The following TBC1D13 variants were observed in gnomAD, a reference collection of about 807,000 sequenced individuals.
The protein encoded by TBC1D13 is epididymis secretory sperm binding protein.
A neutral mutation model predicts 53.6 loss-of-function variants in TBC1D13; 40 were observed. That is an observed-to-expected ratio of 0.75 (90% CI 0.58 to 0.97). TBC1D13 has a LOEUF of 0.97. Ranked by LOEUF, TBC1D13 falls within the 50% of genes least tolerant of loss-of-function variation. The pLI is 0.00. For missense variants in TBC1D13, 377 were observed against 499.4 expected, an observed-to-expected ratio of 0.75 and a Z score of 2.34; for synonymous variants, 182 against 197.7, an observed-to-expected ratio of 0.92 and a Z score of 0.67.
Position 128,798,089 on chromosome 9 carries a change from CT to C in TBC1D13, c.543+876del, listed in dbSNP as rs1475744775. On this transcript the variant is annotated intron_variant, in intron 7 of 11. Transcript: ENST00000372648. Reference sequence around the variant, plus strand: ...CCAACATGGTGAAACCTTGTCTCTACTAAAAATACAAAAATTAGCTGGGCAT... The same window carrying C: ...CCAACATGGTGAAACCTTGTCTCTACAAAAATACAAAAATTAGCTGGGCAT... 1.2e-4 allele frequency among the ~76,000 whole-genome samples: 18 copies of C among 152,000 alleles called. No homozygotes were observed. In the East Asian group the frequency reaches 3.3e-3, roughly 28 times the overall value.
chr9:128,809,626 G>A lies in TBC1D13; in HGVS notation c.*1747G>A, dbSNP rs1430666628. 1 of 152,264 alleles carries A rather than the reference G, an allele frequency of 6.6e-6. No individual in the cohort carries two copies. The highest frequency in any genetic ancestry group is 1.5e-5 in the Non-Finnish European group (1 of 68,070). 9.4% of individuals were successfully genotyped at this position (152,264 alleles called of 1,614,324 possible). Reference sequence around the variant, plus strand: ...CTGGCTATGTATTGCACATTGGCAAGTGCTCTGGGGATGAGGCATGGGTAT... The same window carrying A: ...CTGGCTATGTATTGCACATTGGCAAATGCTCTGGGGATGAGGCATGGGTAT... On this transcript the variant is annotated 3_prime_UTR_variant, in exon 12 of 12. Coordinates refer to ENST00000372648, the MANE Select transcript of TBC1D13 (RefSeq NM_018201.5).
chr9:128,791,921 G>A (rs373117757), intron 5 of TBC1D13, among the ~76,000 whole-genome samples: 33 of 152,352 alleles, frequency 2.2e-4, no homozygotes, highest in East Asian at 1.5e-3. Context: ...GCAGCCCTGC[G>A]TCAGGTGCTC....
At chr9:128,801,015 C>T (rs1297815682) in intron 7 of TBC1D13, among the ~76,000 whole-genome samples, 1 of 151,852 alleles carries the variant, frequency 6.6e-6, no homozygotes, top group Non-Finnish European at 1.5e-5. Context: ...TACAAAACAA[C>T]AACAAAAAAA....
At chr9:128,797,674 G>T (rs1589570773) in intron 7 of TBC1D13, among the ~76,000 whole-genome samples, 1 of 152,150 alleles carries the variant, frequency 6.6e-6, no homozygotes, top group East Asian at 1.9e-4. Context: ...ATGATGGCAT[G>T]TGCCTGTAGT....
intron 6 of TBC1D13, among the ~76,000 whole-genome samples, chr9:128,795,437 CTTTTTTTTTTTTTTTTTT>C (rs539392878): frequency 3.5e-5 from 2 of 57,824 alleles, no homozygotes; most frequent in Non-Finnish European, 5.9e-5. Context: ...TGGTCACCAT[CTTTTTTTTTTTTTTTTTT>C]TTTTTTTTTT....
intron 10 of TBC1D13, 74 bp from the exon 11 acceptor site, chr9:128,806,180 A>G: frequency 6.2e-7 from 1 of 1,608,110 alleles, no homozygotes. Context: ...TGAGGTGGGT[A>G]GGGAGGGAGG....
rs1362746033 is a variant in TBC1D13 at position 128,787,289 on chromosome 9, G to GGCGGCA, written c.-61_-56dup. The GGCGGCA allele has an allele frequency of 3.2e-6, 4 of 1,252,478 alleles. 1 individual carries two copies. Among genetic ancestry groups the GGCGGCA allele is most frequent in the Admixed American group, 4.2e-5 (1 of 23,702 alleles). The allele number at this position is 1,252,478 out of a possible 1,614,324, so 77.6% of individuals were successfully genotyped here. A position where few individuals can be genotyped will look rare whatever the true frequency, so the allele number is the denominator to read the frequency against. On this transcript the variant is annotated 5_prime_UTR_variant, in exon 1 of 12. Transcript: ENST00000372648. ...CGCGTCCCTGGGGGGCGGCGGCGGCGGCGGCAGCGCAGGCGGCAGAGGCGC... is the reference window on the plus strand; with the variant it reads ...CGCGTCCCTGGGGGGCGGCGGCGGCGGCGGCAGCGGCAGCGCAGGCGGCAGAGGCGC...
At chr9:128,788,945 ACT>A (rs1375699374) in intron 2 of TBC1D13, among the ~76,000 whole-genome samples, 1 of 151,938 alleles carries the variant, frequency 6.6e-6, no homozygotes, top group Non-Finnish European at 1.5e-5. Flanking sequence ...CACAAAGATA[ACT>A]CTCTTTTTGC....
chr9:128,792,181 C>G (rs1829545294), intron 5 of TBC1D13, among the ~76,000 whole-genome samples: 1 of 152,242 alleles, frequency 6.6e-6, no homozygotes, highest in Non-Finnish European at 1.5e-5. Flanking sequence ...CAAACATTTA[C>G]TGAGCACCTG....
chr9:128,800,600 C>T (rs370371295), intron 7 of TBC1D13, among the ~76,000 whole-genome samples: 1 of 152,036 alleles, frequency 6.6e-6, no homozygotes, highest in South Asian at 2.1e-4. Context: ...CTAAAGTGAT[C>T]CACCCACCTC....
At position 128,809,619 on chromosome 9, in the gene TBC1D13, T is replaced by C. The variant is rs932058472; in HGVS notation, c.*1740T>C. The C allele has an allele frequency of 1.3e-5, 2 of 152,214 alleles. No individual in the cohort carries two copies. The highest frequency in any genetic ancestry group is 2.4e-5 in the African/African-American group (1 of 41,438). 9.4% of individuals were successfully genotyped at this position (152,214 alleles called of 1,614,324 possible). A position where few individuals can be genotyped will look rare whatever the true frequency, so the allele number is the denominator to read the frequency against. ...CAGACTCCTGGCTATGTATTGCACA[T>C]TGGCAAGTGCTCTGGGGATGAGGCA... On this transcript the variant is annotated 3_prime_UTR_variant, in exon 12 of 12. Coordinates refer to ENST00000372648, the MANE Select transcript of TBC1D13 (RefSeq NM_018201.5).
rs568640038 is a variant in TBC1D13 at position 128,802,304 on chromosome 9, C to T, written c.544-946C>T. 3.9e-5 allele frequency among the ~76,000 whole-genome samples: 6 copies of T among 152,182 alleles called. No homozygotes were observed. In the South Asian group the frequency reaches 6.2e-4, roughly 16 times the overall value. On this transcript the variant is annotated intron_variant, in intron 7 of 11. Transcript: ENST00000372648. ...AACTCCCGACCTCAGGTAATCTGCC[C>T]GTCTTGACCTCCCAAAGTGCTGGGA...
Position 128,803,891 on chromosome 9 carries a change from T to G in TBC1D13, c.755-65T>G. On this transcript the variant is annotated intron_variant, in intron 8 of 11. Coordinates refer to ENST00000372648, the MANE Select transcript of TBC1D13 (RefSeq NM_018201.5). ...CGGGGCTCAGAGCAGGGCAGATGTC[T>G]GGTAGGTGAGAGGTGGGGTGGGCCT... The G allele has an allele frequency of 3.1e-6, 5 of 1,590,786 alleles. No individual in the cohort carries two copies. In the South Asian group the frequency reaches 5.7e-5, roughly 18 times the overall value.
intron 7 of TBC1D13, among the ~76,000 whole-genome samples, chr9:128,800,516 G>A (rs1455401291): frequency 1.1e-4 from 17 of 151,810 alleles, no homozygotes; most frequent in Non-Finnish European, 1.6e-4. Flanking sequence ...GATCATCGGC[G>A]CGTGCCACCA....
At position 128,806,293 on chromosome 9, in the gene TBC1D13, G is replaced by C. The variant is rs771427903; in HGVS notation, c.1119G>C (p.Val373=). 3 of 1,614,040 alleles carry C rather than the reference G, an allele frequency of 1.9e-6. No individual in the cohort carries two copies. The highest frequency in any genetic ancestry group is 2.5e-6 in the Non-Finnish European group (3 of 1,180,050). Reference sequence around the variant, plus strand: ...AGTTGCTGGAAGGGGACTTCACTGTGAATATGCGGCTGCTGCAGGTAATGG... The same window carrying C: ...AGTTGCTGGAAGGGGACTTCACTGTCAATATGCGGCTGCTGCAGGTAATGG... ...REQLLEGDFT[V]NMRLLQDYPI... is the part of the protein sequence containing the mutation. The change falls in exon 11 of 12, where the codon GTG becomes GTC. Residue 373 remains valine, a synonymous_variant. Transcript: ENST00000372648.
At chr9:128,798,477 A>T (rs970438000) in intron 7 of TBC1D13, among the ~76,000 whole-genome samples, 1 of 152,184 alleles carries the variant, frequency 6.6e-6, no homozygotes, top group Non-Finnish European at 1.5e-5. Flanking sequence ...CATAATTCAC[A>T]TCTGCTTGTG....
At chr9:128,806,199 G>A in intron 10 of TBC1D13, 55 bp from the exon 11 acceptor site, 1 of 1,612,528 alleles carries the variant, frequency 6.2e-7, no homozygotes, top group Non-Finnish European at 8.5e-7. Context: ...GGAGTGGGCA[G>A]GGCCTGCACT....
chr9:128,803,420 CTACTACACCTTTG>C lies in TBC1D13; in HGVS notation c.715_727del (p.Tyr239ProfsTer53). The C allele has an allele frequency of 1.2e-6, 2 of 1,614,184 alleles. No homozygotes were observed. The highest frequency in any genetic ancestry group is 1.7e-6 in the Non-Finnish European group (2 of 1,180,038). On this transcript the variant is annotated frameshift_variant, in exon 8 of 12. Transcript: ENST00000372648. LOFTEE classifies it high-confidence loss of function. Reference sequence around the variant, plus strand: ...GCATGAATGAAATCGTGGGGCCCCTCTACTACACCTTTGCCACCGACCCCAATAGTGAGTGGAA... The same window carrying C: ...GCATGAATGAAATCGTGGGGCCCCTCCCACCGACCCCAATAGTGAGTGGAA...
At chr9:128,789,576 T>G (rs1038997647) in intron 2 of TBC1D13, among the ~76,000 whole-genome samples, 1 of 151,930 alleles carries the variant, frequency 6.6e-6, no homozygotes, top group Non-Finnish European at 1.5e-5. Flanking sequence ...TACGTTAATC[T>G]TCCCTACTTA....
Sources: gnomAD v4.1 joint callset for allele counts (sites outside exome capture counted in the v4.1 genomes callset) on GRCh38, gnomAD v4.1.1 for gene constraint, MANE v1.5 for transcripts, NCBI Gene and HGNC (gene_info 2026-07-23, HGNC 2026-07-21) for gene names.